Variants in EVPL observed in about 807,000 individuals in gnomAD.
EVPL encodes envoplakin, also known as 210 kDa cornified envelope precursor protein.
Under a neutral mutation model 129.7 loss-of-function variants are expected in EVPL, and 94 were observed. That is an observed-to-expected ratio of 0.72 (90% CI 0.61 to 0.86). The LOEUF (loss-of-function observed/expected upper bound fraction) is 0.86, where lower values mean the gene tolerates loss of function less well. Among genes scored for constraint, EVPL ranks in the 40% least tolerant of loss-of-function variants. EVPL has a pLI of 0.00. For synonymous variants in EVPL, 1,172 were observed against 1,191.1 expected, an observed-to-expected ratio of 0.98 and a Z score of 0.33; for missense variants, 2,625 against 2,721.1, an observed-to-expected ratio of 0.96 and a Z score of 0.79.
At chr17:76,016,897 C>A (rs1215833663) in intron 14 of EVPL, among the ~76,000 whole-genome samples, 1 of 143,112 alleles carries the variant, frequency 7.0e-6, no homozygotes, top group Non-Finnish European at 1.5e-5. Context: ...GCCTGGGTGA[C>A]AAAGTGAGAC....
Position 76,022,193 on chromosome 17 carries a change from A to C in EVPL, c.641T>G (p.Leu214Arg). Reference protein sequence around the residue: ...AATIRSQYRDLLKAASWRGQS... With the variant: ...AATIRSQYRDRLKAASWRGQS... ...CCGACCCTCCCTCCTGCTCACCAGT[A>C]GGTCTCGGTATTGGCTCCGGATGGT... Residue 214 changes from leucine (L) to arginine (R), a missense_variant, in exon 6 of 22, where the codon CTA (leucine) becomes CGA (arginine). Leu to Arg is a moderately radical substitution (Grantham distance 102). Around this residue, in one of 4 missense-constraint regions of EVPL, gnomAD observed 1,024 missense variants for 997.5 expected, o/e 1.03. Transcript: ENST00000301607. The surrounding 1 kb of genome is among the most constrained non-coding windows in gnomAD (Gnocchi z 5.6). 6.2e-7 allele frequency: 1 copy of C among 1,612,970 alleles called. No individual in the cohort carries two copies. Among genetic ancestry groups the C allele is most frequent in the Non-Finnish European group, 8.5e-7 (1 of 1,179,780 alleles).
In EVPL at chr17:76,017,801, G is replaced by T. The variant is rs376357937; in HGVS notation, c.1648C>A (p.Arg550=). The T allele has an allele frequency of 9.9e-6, 16 of 1,613,224 alleles. No individual in the cohort carries two copies. In the Middle Eastern group the frequency reaches 4.9e-4, roughly 50 times the overall value. The change falls in exon 14 of 22, where the codon CGG becomes AGG. Residue 550 remains arginine, a synonymous_variant. Transcript: ENST00000301607. ...QIERQVLAWA[R]APLSRPTPLE... is the part of the protein sequence containing the mutation. ...GGTGTGGGGCGGCTCAGCGGGGCCC[G>T]CGCCCAGGCCAGCACCTGCCTCTCT...
intron 9 of EVPL, among the ~76,000 whole-genome samples, chr17:76,020,907 A>G (rs2066452757): frequency 6.6e-6 from 1 of 152,104 alleles, no homozygotes; most frequent in Admixed American, 6.5e-5. Context: ...TAGGTGCTGT[A>G]TGTGGATCTG....
Position 76,008,994 on chromosome 17 carries a change from T to G in EVPL, c.4211A>C (p.Gln1404Pro). The change falls in exon 22 of 22, where the codon CAG (glutamine) becomes CCG (proline). Residue 1404 changes from glutamine to proline, a missense_variant. Around this residue, in one of 4 missense-constraint regions of EVPL, gnomAD observed 1,453 missense variants for 1,511.8 expected, o/e 0.96. Transcript: ENST00000301607. This position sits in a 1 kb window ranked among gnomAD's most constrained non-coding sequence, Gnocchi z 7.4. ...SLDEEVGRRRQLELEVQQLRA... is the reference protein window; with the variant it reads ...SLDEEVGRRRPLELEVQQLRA... ...CAGCTGCTGCACCTCAAGCTCTAGC[T>G]GGCGCCGCCGGCCCACCTCCTCATC... is the stretch of plus-strand genomic sequence containing the variant. The G allele has an allele frequency of 1.2e-6, 2 of 1,612,052 alleles. No homozygotes were observed. Among genetic ancestry groups the G allele is most frequent in the Non-Finnish European group, 1.7e-6 (2 of 1,179,872 alleles).
In EVPL at chr17:76,014,461, G is replaced by A. The variant is rs751198081; in HGVS notation, c.2338C>T (p.Pro780Ser). 1.2e-6 allele frequency: 2 copies of A among 1,611,754 alleles called. No homozygotes were observed. Among genetic ancestry groups the A allele is most frequent in the Non-Finnish European group, 8.5e-7 (1 of 1,179,426 alleles). ...PRSQVRPSDG[P>S]SQIAYKLQAQ... ...TGCAGCTTGTAGGCGATCTGGCTGG[G>A]GCCGTCGCTGGGCCGCACCTGGCTG... Residue 780 changes from proline to serine, a missense_variant, in exon 18 of 22, where the codon CCC becomes TCC. By Grantham distance (74) the Pro-to-Ser change is moderately conservative. Coordinates refer to ENST00000301607, the MANE Select transcript of EVPL (RefSeq NM_001988.4).
At chr17:76,014,274 G>C in intron 18 of EVPL, 152 bp downstream of exon 18, 2 of 1,100,674 alleles carry the variant, frequency 1.8e-6, no homozygotes, top group South Asian at 1.6e-5. Context: ...GGCTGGCCCC[G>C]TCTGTGGGCA....
Position 76,009,249 on chromosome 17 carries a change from C to A in EVPL, c.3956G>T (p.Arg1319Leu), listed in dbSNP as rs764066273. 1.9e-6 allele frequency: 3 copies of A among 1,607,494 alleles called. No homozygotes were observed. The African/African-American group carries it at 4.0e-5, about 21-fold the overall frequency. Residue 1319 changes from arginine to leucine, a missense_variant, in exon 22 of 22, where the codon CGC becomes CTC. Arg to Leu is a moderately radical substitution (Grantham distance 102). Coordinates refer to ENST00000301607, the MANE Select transcript of EVPL (RefSeq NM_001988.4). This position sits in a 1 kb window ranked among gnomAD's most constrained non-coding sequence, Gnocchi z 5.9. The stretch of plus-strand genomic sequence containing the variant: ...CTCCAGCACCGGGTCCTTCTCGTGG[C>A]GCACCACCTCCTTGCTCACCGTCTT... ...ETKTVSKEVV[R>L]HEKDPVLEKE...
chr17:76,017,987 C>T, intron 13 of EVPL, 76 bp from the exon 14 acceptor site: 1 of 1,590,384 alleles, frequency 6.3e-7, no homozygotes, highest in Non-Finnish European at 8.6e-7. Flanking sequence ...CAGGTGCCCA[C>T]AGAGGGTCCT....
At position 76,007,196 on chromosome 17, in the gene EVPL, G is replaced by T. The variant is rs767501449; in HGVS notation, c.6009C>A (p.Asp2003Glu). The change falls in exon 22 of 22, where the codon GAC (aspartate) becomes GAA (glutamate). Residue 2003 changes from aspartate (D) to glutamate (E), a missense_variant. By Grantham distance (45) the Asp-to-Glu change is conservative. Around this residue, in one of 4 missense-constraint regions of EVPL, gnomAD observed 1,453 missense variants for 1,511.8 expected, o/e 0.96. Transcript: ENST00000301607. This position sits in a 1 kb window ranked among gnomAD's most constrained non-coding sequence, Gnocchi z 8.8. ...YKEAMGRCRK[D>E]PLSGLLLLPA... ...GCAGGAGCAGCAGGCCGCTCAGGGG[G>T]TCTTTGCGGCAGCGGCCCATGGCCT... 7 of 1,539,286 alleles carry T rather than the reference G, an allele frequency of 4.5e-6. No homozygotes were observed. In the East Asian group the frequency reaches 1.6e-4, roughly 35 times the overall value.
At chr17:76,026,327 C>G (rs927080072) in intron 1 of EVPL, among the ~76,000 whole-genome samples, 6 of 151,462 alleles carry the variant, frequency 4.0e-5, no homozygotes, top group Non-Finnish European at 8.8e-5. Context: ...TCACTGCAGC[C>G]TCAAACTCCT....
rs2066475450 is a variant in EVPL at position 76,023,304 on chromosome 17, C to T, written c.468G>A (p.Leu156=). 6.2e-6 allele frequency: 10 copies of T among 1,613,852 alleles called. No individual in the cohort carries two copies. Among genetic ancestry groups the T allele is most frequent in the East Asian group, 2.2e-5 (1 of 44,886 alleles). Residue 156 remains leucine (L), a synonymous_variant, in exon 4 of 22, where the codon CTG becomes CTA. Coordinates refer to ENST00000301607, the MANE Select transcript of EVPL (RefSeq NM_001988.4). ...VGPRVDWARV[L]EQKQKQVCAG... is the part of the protein sequence containing the mutation. ...TTGAGTTCCTGACCTGTTTCTGCTC[C>T]AGCACGCGTGCCCAGTCGACCCTGG... is the stretch of plus-strand genomic sequence containing the variant.
chr17:76,009,352 CGT>C lies in EVPL; in HGVS notation c.3851_3852del (p.His1284ArgfsTer13). The C allele has an allele frequency of 6.2e-7, 1 of 1,613,226 alleles. No homozygotes were observed. Among genetic ancestry groups the C allele is most frequent in the Non-Finnish European group, 8.5e-7 (1 of 1,179,950 alleles). ...CGGATGAGCTGCTCCTGGGAGCGCC[CGT>C]GGCTGTTGACGAGCTCGTTGAGCTG... The part of the protein sequence containing the change: ...KAQLNELVNS[H>X]GRSQEQLIRL... On this transcript the variant is annotated frameshift_variant, in exon 22 of 22. Coordinates refer to ENST00000301607, the MANE Select transcript of EVPL (RefSeq NM_001988.4). LOFTEE classifies it low-confidence loss of function (END_TRUNC). The surrounding 1 kb of genome is among the most constrained non-coding windows in gnomAD (Gnocchi z 5.9).
In EVPL at chr17:76,022,552, G is replaced by C. The variant is rs755060403; in HGVS notation, c.481-14C>G. The C allele has an allele frequency of 6.3e-7, 1 of 1,593,802 alleles. No homozygotes were observed. Among genetic ancestry groups the C allele is most frequent in the Non-Finnish European group, 8.5e-7 (1 of 1,171,322 alleles). ...GCAGACCTGCTTCTGCAGGAGAGCC[G>C]GCGGCTCAGTCCCCAAAGGACCGCG... On this transcript the variant is annotated splice_polypyrimidine_tract_variant and intron_variant, in intron 4 of 21. Transcript: ENST00000301607. The surrounding 1 kb of genome is among the most constrained non-coding windows in gnomAD (Gnocchi z 5.6).
In EVPL at chr17:76,015,546, G is replaced by A. The variant is rs1340101608; in HGVS notation, c.1793C>T (p.Pro598Leu). 1.9e-6 allele frequency: 3 copies of A among 1,613,042 alleles called. No individual in the cohort carries two copies. Among genetic ancestry groups the A allele is most frequent in the Admixed American group, 1.7e-5 (1 of 60,030 alleles). The change falls in exon 15 of 22, where the codon CCC becomes CTC. Residue 598 changes from proline (P) to leucine (L), a missense_variant. Around this residue, in one of 4 missense-constraint regions of EVPL, gnomAD observed 1,024 missense variants for 997.5 expected, o/e 1.03. Coordinates refer to ENST00000301607, the MANE Select transcript of EVPL (RefSeq NM_001988.4). ...CAGCTGCAGGGCAGCGGGGCCCACG[G>A]GCCGCGTGGACAGAAACGCCTCGCA... ...KECEAFLSTR[P>L]VGPAALQLPV...
chr17:76,022,308 C>G lies in EVPL; in HGVS notation c.607-81G>C. On this transcript the variant is annotated intron_variant, in intron 5 of 21. Transcript: ENST00000301607. The surrounding 1 kb of genome is among the most constrained non-coding windows in gnomAD (Gnocchi z 5.6). ...CCCCCTAAGATCTGGGCCAGCCATACCCCACCCACCCCTATCCCCAGGGCC... is the reference window on the plus strand; with the variant it reads ...CCCCCTAAGATCTGGGCCAGCCATAGCCCACCCACCCCTATCCCCAGGGCC... 1 of 1,599,250 alleles carries G rather than the reference C, an allele frequency of 6.3e-7. No homozygotes were observed. Among genetic ancestry groups the G allele is most frequent in the Non-Finnish European group, 8.5e-7 (1 of 1,173,602 alleles).
At chr17:76,023,686 G>C (rs746855070) in intron 2 of EVPL, 32 bp from the exon 3 acceptor site, 1 of 1,508,228 alleles carries the variant, frequency 6.6e-7, no homozygotes. Context: ...ACTGGCCAGG[G>C]CCCAGAGCCC....
chr17:76,022,173 C>A lies in EVPL; in HGVS notation c.645+16G>T. On this transcript the variant is annotated intron_variant, in intron 6 of 21. Transcript: ENST00000301607. This position sits in a 1 kb window ranked among gnomAD's most constrained non-coding sequence, Gnocchi z 5.6. ...CCCACCCGCAGCCTCCCTGCCCGAC[C>A]CTCCCTCCTGCTCACCAGTAGGTCT... is the stretch of plus-strand genomic sequence containing the variant. The A allele has an allele frequency of 6.2e-7, 1 of 1,612,280 alleles. No individual in the cohort carries two copies. Among genetic ancestry groups the A allele is most frequent in the African/African-American group, 1.3e-5 (1 of 75,002 alleles).
In EVPL at chr17:76,018,217, G is replaced by A. The variant is rs922400067; in HGVS notation, c.1481C>T (p.Thr494Ile). The stretch of plus-strand genomic sequence containing the variant: ...ACTGGCCTTCAGGCGGCTCTGGACT[G>A]TGGCCAATTTCTGCTTCAGGGCCTG... ...ELQALKQKLA[T>I]VQSRLKASAV... Residue 494 changes from threonine (T) to isoleucine (I), a missense_variant, in exon 13 of 22, where the codon ACA becomes ATA. Around this residue, in one of 4 missense-constraint regions of EVPL, gnomAD observed 1,024 missense variants for 997.5 expected, o/e 1.03. Coordinates refer to ENST00000301607, the MANE Select transcript of EVPL (RefSeq NM_001988.4). 4 of 1,549,796 alleles carry A rather than the reference G, an allele frequency of 2.6e-6. No homozygotes were observed. The highest frequency in any genetic ancestry group is 2.7e-5 in the African/African-American group (2 of 73,012).
At chr17:76,026,315 G>C (rs1228719244) in intron 1 of EVPL, among the ~76,000 whole-genome samples, 1 of 150,830 alleles carries the variant, frequency 6.6e-6, no homozygotes, top group African/African-American at 2.4e-5. Flanking sequence ...TGTGATCATG[G>C]CTCACTGCAG....
Sources: gnomAD v4.1 joint callset for allele counts (sites outside exome capture counted in the v4.1 genomes callset) on GRCh38, gnomAD v4.1.1 for gene constraint, gnomAD v4.1.1 regional missense constraint, Gnocchi (gnomAD v3.1) non-coding constraint, MANE v1.5 for transcripts, NCBI Gene and HGNC (gene_info 2026-07-23, HGNC 2026-07-21) for gene names.